FSIP1: variants seen among roughly 807,000 people sequenced by gnomAD.
FSIP1 encodes the protein fibrous sheath-interacting protein 1.
In FSIP1, 65 loss-of-function variants were observed where a neutral mutation model predicts 60.9. The observed-to-expected ratio is 1.07, with a 90% confidence interval of 0.87 to 1.31. The LOEUF is 1.31. Among genes scored for constraint, FSIP1 ranks in the 40% most tolerant of loss-of-function variants. The pLI is 0.00. For synonymous variants in FSIP1, 209 were observed against 221.2 expected, an observed-to-expected ratio of 0.94 and a Z score of 0.49; for missense variants, 675 against 665.5, an observed-to-expected ratio of 1.01 and a Z score of -0.16.
chr15:39,749,344 C>A (rs761319351), intron 5 of FSIP1, among the ~76,000 whole-genome samples: 7 of 149,118 alleles, frequency 4.7e-5, no homozygotes, highest in Non-Finnish European at 8.9e-5. Flanking sequence ...CTGAGCCACA[C>A]AAAGACCCAA....
In FSIP1 at chr15:39,776,463, C is replaced by A. The variant is rs143595362; in HGVS notation, c.62G>T (p.Arg21Leu). The A allele has an allele frequency of 6.8e-6, 11 of 1,612,954 alleles. No individual in the cohort carries two copies. In the African/African-American group the frequency reaches 1.3e-4, roughly 20 times the overall value. The change falls in exon 2 of 12, where the codon CGC (arginine) becomes CTC (leucine). Residue 21 changes from arginine (R) to leucine (L), a missense_variant. Arg to Leu is a moderately radical substitution (Grantham distance 102). Transcript: ENST00000350221. ...ISKPASNSRI[R>L]PGSRSSNASL... is the part of the protein sequence containing the mutation. ...AGCATTTGAACTTCTGCTCCCAGGG[C>A]GTATTCTTGAATTTGAAGCTGGTTT...
intron 10 of FSIP1, among the ~76,000 whole-genome samples, chr15:39,703,304 C>A (rs1895135480): frequency 6.6e-6 from 1 of 152,092 alleles, no homozygotes; most frequent in African/African-American, 2.4e-5. Context: ...TTTTAAGGTG[C>A]CTCTCAAGAT....
chr15:39,717,008 T>A (rs1316082417), intron 9 of FSIP1, among the ~76,000 whole-genome samples: 1 of 151,832 alleles, frequency 6.6e-6, no homozygotes, highest in Non-Finnish European at 1.5e-5. Flanking sequence ...AGAGACAGGG[T>A]TTCACCATGT....
At chr15:39,763,752 T>C (rs1278363855) in intron 5 of FSIP1, 69 bp downstream of exon 5, 24 of 832,166 alleles carry the variant, frequency 2.9e-5, no homozygotes, top group Middle Eastern at 2.3e-4. Flanking sequence ...GGATTGGGAA[T>C]TTTACTTTAA....
intron 5 of FSIP1, among the ~76,000 whole-genome samples, chr15:39,754,538 G>A (rs1897249931): frequency 6.6e-6 from 1 of 151,760 alleles, no homozygotes; most frequent in African/African-American, 2.4e-5. Flanking sequence ...ATTTAATAAT[G>A]GGGATAAAAA....
intron 2 of FSIP1, among the ~76,000 whole-genome samples, chr15:39,776,039 GA>G (rs1898042889): frequency 7.8e-6 from 1 of 128,362 alleles, no homozygotes. Flanking sequence ...TCCTTATAAA[GA>G]AAAAAAGAGT....
chr15:39,642,802 CATT>C (rs1417804261), intron 10 of FSIP1, among the ~76,000 whole-genome samples: 6 of 152,168 alleles, frequency 3.9e-5, no homozygotes, highest in Non-Finnish European at 1.5e-5. Context: ...GGGACTCTAA[CATT>C]ATATATAAGT....
At chr15:39,736,422 A>G (rs1189799234) in intron 8 of FSIP1, among the ~76,000 whole-genome samples, 1 of 152,198 alleles carries the variant, frequency 6.6e-6, no homozygotes, top group Non-Finnish European at 1.5e-5. Context: ...AGGGAGGGAT[A>G]TTTTGTTTGC....
intron 9 of FSIP1, among the ~76,000 whole-genome samples, chr15:39,713,843 G>A (rs1333986053): frequency 6.6e-6 from 1 of 152,212 alleles, no homozygotes; most frequent in Admixed American, 6.5e-5. Context: ...CTGGAGCCAG[G>A]AAACAGGAAC....
At chr15:39,659,626 T>TAAAAAAAAAAAAAAAAAAAAAAAA (rs150262830) in intron 10 of FSIP1, among the ~76,000 whole-genome samples, 1 of 133,780 alleles carries the variant, frequency 7.5e-6, no homozygotes, top group Non-Finnish European at 1.6e-5. Flanking sequence ...AGCTGTTATT[T>TAAAAAAAAAAAAAAAAAAAAAAAA]TAAAAAAAAA....
intron 1 of FSIP1, among the ~76,000 whole-genome samples, chr15:39,781,919 A>G (rs1239008529): frequency 6.6e-6 from 1 of 152,268 alleles, no homozygotes; most frequent in South Asian, 2.1e-4. Flanking sequence ...ACATTTGTCA[A>G]AACTCACAGA....
intron 10 of FSIP1, among the ~76,000 whole-genome samples, chr15:39,646,194 T>C (rs1295408927): frequency 1.3e-5 from 2 of 151,678 alleles, no homozygotes; most frequent in Admixed American, 6.6e-5. Flanking sequence ...CAGAGAGGAG[T>C]ACCCTCACTG....
At chr15:39,778,489 G>A (rs1301070518) in intron 1 of FSIP1, among the ~76,000 whole-genome samples, 2 of 152,096 alleles carry the variant, frequency 1.3e-5, no homozygotes, top group African/African-American at 4.8e-5. Flanking sequence ...TTATGAATTT[G>A]GCCATCTAGA....
intron 10 of FSIP1, among the ~76,000 whole-genome samples, chr15:39,657,979 T>C (rs1282676272): frequency 6.6e-6 from 1 of 152,190 alleles, no homozygotes; most frequent in Non-Finnish European, 1.5e-5. Flanking sequence ...CTGTGATGGA[T>C]GGCCAATACA....
chr15:39,701,159 A>T (rs192479342), intron 10 of FSIP1, among the ~76,000 whole-genome samples: 75 of 152,264 alleles, frequency 4.9e-4, no homozygotes, highest in African/African-American at 1.2e-3. Context: ...CTTAAAAAAA[A>T]TTTTTTAATG....
intron 10 of FSIP1, among the ~76,000 whole-genome samples, chr15:39,703,633 G>A (rs887645874): frequency 1.3e-4 from 19 of 151,938 alleles, no homozygotes; most frequent in Non-Finnish European, 2.5e-4. Flanking sequence ...ATCCATGCAG[G>A]GCTTAAAACC....
intron 10 of FSIP1, among the ~76,000 whole-genome samples, chr15:39,694,041 C>T (rs149093987): frequency 4.6e-5 from 7 of 152,110 alleles, no homozygotes; most frequent in African/African-American, 1.7e-4. Flanking sequence ...CACACTGTAC[C>T]CTATAAATAT....
chr15:39,617,872 T>G lies in FSIP1; in HGVS notation c.1562A>C (p.Tyr521Ser). 6.2e-7 allele frequency: 1 copy of G among 1,614,138 alleles called. No homozygotes were observed. The highest frequency in any genetic ancestry group is 8.5e-7 in the Non-Finnish European group (1 of 1,180,014). ...AATGCCAAGAGTCTTCGACATAAAA[T>G]AGTCTTTTGTGTCACTAATAATAAC... ...KDVIISDTKD[Y>S]FMSKTLGIGR... Residue 521 changes from tyrosine to serine, a missense_variant, in exon 11 of 12, where the codon TAT becomes TCT. Transcript: ENST00000350221.
chr15:39,602,003 A>G (rs549649619), intron 11 of FSIP1, among the ~76,000 whole-genome samples: 3 of 152,326 alleles, frequency 2.0e-5, no homozygotes, highest in Admixed American at 6.5e-5. Flanking sequence ...ACTACAAACA[A>G]TTGAATTGCA....
Sources: allele counts gnomAD v4.1 joint callset (sites outside exome capture counted in the v4.1 genomes callset), GRCh38; gene constraint gnomAD v4.1.1; transcripts MANE v1.5; gene names NCBI Gene and HGNC (gene_info 2026-07-23, HGNC 2026-07-21).